Variants in GINS2 observed in about 807,000 individuals in gnomAD.
GINS2 encodes DNA replication complex GINS protein PSF2.
A neutral mutation model predicts 21.2 loss-of-function variants in GINS2; 23 were observed. That is an observed-to-expected ratio of 1.08 (90% CI 0.78 to 1.53). The LOEUF (loss-of-function observed/expected upper bound fraction) is 1.53, where lower values mean the gene tolerates loss of function less well. GINS2 is among the 40% of genes most tolerant of loss of function. The pLI, the probability that GINS2 is intolerant of heterozygous loss-of-function variation, is 0.00. For synonymous variants in GINS2, 118 were observed against 85.6 expected, an observed-to-expected ratio of 1.38 and a Z score of -2.09; for missense variants, 323 against 233.9, an observed-to-expected ratio of 1.38 and a Z score of -2.49.
At position 85,677,686 on chromosome 16, in the gene GINS2, A is replaced by G. The variant is rs1265141695; in HGVS notation, c.*526T>C. On this transcript the variant is annotated 3_prime_UTR_variant, in exon 5 of 5. Transcript: ENST00000253462. ...AGAGAGTCAGAGCTGAGTTGGGTCC[A>G]TTTTTATTGTGGATCAGGGCTTAGA... 6.6e-6 allele frequency: 1 copy of G among 152,610 alleles called. No individual in the cohort carries two copies. Among genetic ancestry groups the G allele is most frequent in the Non-Finnish European group, 1.5e-5 (1 of 68,404 alleles). The allele number at this position is 152,610 out of a possible 1,614,324, so 9.5% of individuals were successfully genotyped here.
rs1344623027 is a variant in GINS2, at chr16:85,677,470, C to T, written c.*742G>A. 6.6e-6 allele frequency: 1 copy of T among 152,162 alleles called. No homozygotes were observed. Among genetic ancestry groups the T allele is most frequent in the East Asian group, 1.9e-4 (1 of 5,200 alleles). The allele number at this position is 152,162 out of a possible 1,614,324, so 9.4% of individuals were successfully genotyped here. A position where few individuals can be genotyped will look rare whatever the true frequency, so the allele number is the denominator to read the frequency against. On this transcript the variant is annotated 3_prime_UTR_variant, in exon 5 of 5. Coordinates refer to ENST00000253462, the MANE Select transcript of GINS2 (RefSeq NM_016095.3). ...TCACTCATGCTCAATACATTGGATT[C>T]GTTTTTTTCCTGACTCTCCTCTTGA...
At chr16:85,679,719 G>A (rs999662858) in intron 3 of GINS2, among the ~76,000 whole-genome samples, 2 of 152,108 alleles carry the variant, frequency 1.3e-5, no homozygotes, top group African/African-American at 4.8e-5. Context: ...AACAAAAAAT[G>A]GATAGGCCCC....
chr16:85,678,429 C>T (rs900820089), intron 4 of GINS2, 92 bp from the exon 5 acceptor site: 1 of 1,557,430 alleles, frequency 6.4e-7, no homozygotes, highest in South Asian at 1.1e-5. Flanking sequence ...AACCAATGAA[C>T]TGTTGAAAAG....
At position 85,685,883 on chromosome 16, in the gene GINS2, A is replaced by C. The variant is rs140771381; in HGVS notation, c.205+1577T>G. ...CAATAAGTCCCAGTAAGGAGGGGGC[A>C]GTCAAAATCACTCACGGCTGAGACC... is the stretch of plus-strand genomic sequence containing the variant. On this transcript the variant is annotated intron_variant, in intron 2 of 4. Transcript: ENST00000253462. Among the ~76,000 whole-genome samples the C allele has an allele frequency of 3.6e-3, 541 of 151,778 alleles. 4 individuals carry two copies. The highest frequency in any genetic ancestry group is 0.013 in the African/African-American group (523 of 41,366).
intron 3 of GINS2, among the ~76,000 whole-genome samples, chr16:85,681,372 G>C (rs1412501809): frequency 6.6e-6 from 1 of 152,230 alleles, no homozygotes; most frequent in African/African-American, 2.4e-5. Context: ...GCAAAGAACA[G>C]ACAGAAAGAC....
At chr16:85,685,680 A>AAAAC (rs1555579570) in intron 2 of GINS2, among the ~76,000 whole-genome samples, 2 of 147,140 alleles carry the variant, frequency 1.4e-5, no homozygotes, top group African/African-American at 5.2e-5. Context: ...CAAAAAAAAA[A>AAAAC]AAAAAAAAAA....
At chr16:85,686,994 GCCAGATCGCTTGACC>G (rs1333731408) in intron 2 of GINS2, among the ~76,000 whole-genome samples, 1 of 152,230 alleles carries the variant, frequency 6.6e-6, no homozygotes, top group Non-Finnish European at 1.5e-5. Context: ...TGCCAAGGTG[GCCAGATCGCTTGACC>G]CCAGGAGTTT....
chr16:85,688,717 G>A (rs890208288), intron 1 of GINS2, 92 bp downstream of exon 1: 2 of 622,838 alleles, frequency 3.2e-6, no homozygotes, highest in Admixed American at 3.7e-5. Flanking sequence ...GCGGGAGCAG[G>A]GCGAGCCCGC....
At chr16:85,678,396 A>T (rs1226006477) in intron 4 of GINS2, 59 bp from the exon 5 acceptor site, 1 of 1,590,332 alleles carries the variant, frequency 6.3e-7, no homozygotes, top group African/African-American at 1.3e-5. Context: ...GAAAAAGGTA[A>T]ACTCTACTGA....
chr16:85,688,687 G>T, intron 1 of GINS2, 122 bp downstream of exon 1: 1 of 460,776 alleles, frequency 2.2e-6, no homozygotes, highest in South Asian at 4.3e-5. Context: ...GTCAAGCGCC[G>T]AGTGGTGGCC....
chr16:85,687,024 C>A (rs1055814568), intron 2 of GINS2, among the ~76,000 whole-genome samples: 1 of 152,236 alleles, frequency 6.6e-6, no homozygotes, highest in Admixed American at 6.5e-5. Context: ...GAGTTTGAGA[C>A]CAGCCTGGGC....
chr16:85,688,757 C>A, intron 1 of GINS2, 52 bp downstream of exon 1: 1 of 1,193,040 alleles, frequency 8.4e-7, no homozygotes, highest in Non-Finnish European at 1.2e-6. Flanking sequence ...ACGCGGGAGC[C>A]CCGGACGCGC....
chr16:85,678,504 T>C, intron 4 of GINS2, 36 bp downstream of exon 4: 1 of 1,606,234 alleles, frequency 6.2e-7, no homozygotes, highest in Non-Finnish European at 8.5e-7. Flanking sequence ...TTATGCGGCA[T>C]CAAGGCCACC....
intron 3 of GINS2, among the ~76,000 whole-genome samples, chr16:85,679,062 G>A (rs926319216): frequency 1.3e-5 from 2 of 152,148 alleles, no homozygotes; most frequent in Admixed American, 1.3e-4. Context: ...TTTACAGAGT[G>A]TTGAGCAGAT....
At position 85,678,313 on chromosome 16, in the gene GINS2, T is replaced by C; in HGVS notation, c.457A>G (p.Ile153Val). The C allele has an allele frequency of 1.2e-6, 2 of 1,613,802 alleles. No homozygotes were observed. The highest frequency in any genetic ancestry group is 1.7e-6 in the Non-Finnish European group (2 of 1,179,752). Residue 153 changes from isoleucine to valine, a missense_variant, in exon 5 of 5, where the codon ATC (isoleucine) becomes GTC (valine). By Grantham distance (29) the Ile-to-Val change is conservative. Transcript: ENST00000253462. ...AKLDNLTLMEINTSGTFLTQA... is the reference protein window; with the variant it reads ...AKLDNLTLMEVNTSGTFLTQA... ...GTGAGGAAAGTCCCGCTGGTGTTGA[T>C]CTCCATCAAGGTCAAGTTATCCAGC...
At chr16:85,687,281 A>C (rs2053785075) in intron 2 of GINS2, among the ~76,000 whole-genome samples, 179 bp downstream of exon 2, 1 of 152,274 alleles carries the variant, frequency 6.6e-6, no homozygotes, top group African/African-American at 2.4e-5. Flanking sequence ...AACAGTGGTT[A>C]GCAGACTCTG....
intron 2 of GINS2, among the ~76,000 whole-genome samples, chr16:85,684,863 C>T (rs2053761767): frequency 6.6e-6 from 1 of 151,848 alleles, no homozygotes; most frequent in Non-Finnish European, 1.5e-5. Context: ...TCTCAGCTCA[C>T]TGCAACTTCC....
intron 2 of GINS2, among the ~76,000 whole-genome samples, chr16:85,682,303 C>T (rs560756734): frequency 2.6e-5 from 4 of 152,128 alleles, no homozygotes; most frequent in Admixed American, 6.5e-5. Flanking sequence ...GAGTGAGTCA[C>T]CTGGTCAGTA....
intron 2 of GINS2, among the ~76,000 whole-genome samples, chr16:85,682,217 G>A (rs1021137040): frequency 6.6e-6 from 1 of 151,940 alleles, no homozygotes; most frequent in African/African-American, 2.4e-5. Context: ...GTCTCACTAT[G>A]TTGCCCAGGC....
Sources: gnomAD v4.1 joint callset for allele counts (sites outside exome capture counted in the v4.1 genomes callset) on GRCh38, gnomAD v4.1.1 for gene constraint, MANE v1.5 for transcripts, NCBI Gene and HGNC (gene_info 2026-07-23, HGNC 2026-07-21) for gene names.